Variants in GPR155 observed in about 807,000 individuals in gnomAD.
The protein encoded by GPR155 is G protein-coupled receptor 155.
Under a neutral mutation model 93.1 loss-of-function variants are expected in GPR155, and 65 were observed. The observed-to-expected ratio is 0.70, with a 90% CI of 0.57 to 0.86. The LOEUF is 0.86. Among genes scored for constraint, GPR155 ranks in the 40% least tolerant of loss-of-function variants. GPR155 has a pLI of 0.00. For synonymous variants in GPR155, 319 were observed against 360.1 expected, an observed-to-expected ratio of 0.89 and a Z score of 1.29; for missense variants, 838 against 1,034.8, an observed-to-expected ratio of 0.81 and a Z score of 2.61.
chr2:174,448,799 A>G (rs547558885), intron 11 of GPR155, among the ~76,000 whole-genome samples: 14 of 151,766 alleles, frequency 9.2e-5, no homozygotes, highest in African/African-American at 3.1e-4. Context: ...GGCCTCCCAA[A>G]GTGCTGGGAT....
Position 174,473,311 on chromosome 2 carries a change from C to T in GPR155, c.514G>A (p.Val172Met), listed in dbSNP as rs781670056. 2 of 1,602,584 alleles carry T rather than the reference C, an allele frequency of 1.2e-6. No individual in the cohort carries two copies. Among genetic ancestry groups the T allele is most frequent in the Non-Finnish European group, 1.7e-6 (2 of 1,172,904 alleles). The change falls in exon 3 of 16, where the codon GTG becomes ATG. Residue 172 changes from valine to methionine, a missense_variant. Coordinates refer to ENST00000392552, the MANE Select transcript of GPR155 (RefSeq NM_152529.7). ...YPEYLQYIYL[V>M]APISLMMLNP... is the part of the protein sequence containing the mutation. ...AACATCATAAGAGATATTGGTGCCA[C>T]CAAATAAATGTACTGGAGATATTCT...
At position 174,435,494 on chromosome 2, in the gene GPR155, TAG is replaced by T. The variant is rs1323835384; in HGVS notation, c.*620_*621del. Reference sequence around the variant, plus strand: ...ATTTTATTTTATTTTATTTTTGAGATAGAGTCTTGCTCTGTTGCTCAGGCTGG... The same window carrying T: ...ATTTTATTTTATTTTATTTTTGAGATAGTCTTGCTCTGTTGCTCAGGCTGG... On this transcript the variant is annotated 3_prime_UTR_variant, in exon 16 of 16. Transcript: ENST00000392552. 1.4e-5 allele frequency: 1 copy of T among 73,578 alleles called. No homozygotes were observed. 4.6% of individuals were successfully genotyped at this position (73,578 alleles called of 1,614,324 possible). A position where few individuals can be genotyped will look rare whatever the true frequency, so the allele number is the denominator to read the frequency against.
At chr2:174,482,060 C>T (rs1688341752) in intron 1 of GPR155, 73 bp from the exon 2 acceptor site, 1 of 754,276 alleles carries the variant, frequency 1.3e-6, no homozygotes, top group Non-Finnish European at 2.2e-6. Flanking sequence ...ACTGGCAAAC[C>T]TAGATTTGTT....
chr2:174,456,723 G>A (rs1687530475), intron 10 of GPR155, among the ~76,000 whole-genome samples: 1 of 151,788 alleles, frequency 6.6e-6, no homozygotes, highest in South Asian at 2.1e-4. Context: ...CCATCAATAA[G>A]GAAATTAATA....
chr2:174,436,518 A>C, intron 15 of GPR155, 102 bp from the exon 16 acceptor site: 1 of 1,103,418 alleles, frequency 9.1e-7, no homozygotes, highest in East Asian at 2.4e-5. Context: ...AAGGAAAGAC[A>C]GCATGGTAGT....
Position 174,436,108 on chromosome 2 carries a change from T to G in GPR155, c.*8A>C. 1 of 1,606,374 alleles carries G rather than the reference T, an allele frequency of 6.2e-7. No homozygotes were observed. The highest frequency in any genetic ancestry group is 2.2e-5 in the East Asian group (1 of 44,800). On this transcript the variant is annotated 3_prime_UTR_variant, in exon 16 of 16. Coordinates refer to ENST00000392552, the MANE Select transcript of GPR155 (RefSeq NM_152529.7). The stretch of plus-strand genomic sequence containing the variant: ...TATGATTCCATGTAGGGTTCTCCCC[T>G]GCATAATTTAGGTCTTAGGGGAATG...
At chr2:174,458,859 G>T (rs1240403729) in intron 10 of GPR155, among the ~76,000 whole-genome samples, 1 of 152,022 alleles carries the variant, frequency 6.6e-6, no homozygotes, top group South Asian at 2.1e-4. Context: ...AGGCCGAGGC[G>T]GGTGGATCAC....
At chr2:174,438,269 T>C (rs1172482383) in intron 15 of GPR155, among the ~76,000 whole-genome samples, 1 of 151,940 alleles carries the variant, frequency 6.6e-6, no homozygotes, top group Non-Finnish European at 1.5e-5. Context: ...CCCATGGAGC[T>C]GTACAAAGTG....
At position 174,436,160 on chromosome 2, in the gene GPR155, C is replaced by CTTTATA. The variant is rs1686772084; in HGVS notation, c.2563_2568dup (p.Tyr855_Lys856dup). On this transcript the variant is annotated inframe_insertion, in exon 16 of 16. Transcript: ENST00000392552. ...GAGGGTGGGGATGAATGCTCAATTT[C>CTTTATA]TTTATATCTTTCCTGTTGGAGAGTG... 1.2e-6 allele frequency: 2 copies of CTTTATA among 1,613,872 alleles called. No individual in the cohort carries two copies. Among genetic ancestry groups the CTTTATA allele is most frequent in the Admixed American group, 3.3e-5 (2 of 59,994 alleles).
At position 174,462,677 on chromosome 2, in the gene GPR155, G is replaced by C. The variant is rs139037613; in HGVS notation, c.1385-1005C>G. ...AAACATCCCCCTCTTCTGGTGCTAA[G>C]AAGTATGGGCAACTCTTACCCAGGT... On this transcript the variant is annotated intron_variant, in intron 7 of 15. Coordinates refer to ENST00000392552, the MANE Select transcript of GPR155 (RefSeq NM_152529.7). Among the ~76,000 whole-genome samples the C allele has an allele frequency of 1.5e-3, 221 of 152,298 alleles. 3 individuals are homozygous for C. The highest frequency in any genetic ancestry group is 5.2e-3 in the East Asian group (27 of 5,180).
chr2:174,483,258 A>G (rs993707383), intron 1 of GPR155: 4 of 152,138 alleles, frequency 2.6e-5, no homozygotes, highest in Non-Finnish European at 5.9e-5. Flanking sequence ...GTTCTCTTTC[A>G]GGCACTATTT....
Position 174,468,987 on chromosome 2 carries a change from A to G in GPR155, c.1107T>C (p.Thr369=). ...YVSAWLLTFP[T]MDPKPLAYAI... ...CATATGCCAATGGCTTAGGGTCCAT[A>G]GTGGGAAAGGTCAGTAACCAGGCAG... The change falls in exon 5 of 16, where the codon ACT becomes ACC. Residue 369 remains threonine, a synonymous_variant. Transcript: ENST00000392552. 2 of 1,614,000 alleles carry G rather than the reference A, an allele frequency of 1.2e-6. No individual in the cohort carries two copies. Among genetic ancestry groups the G allele is most frequent in the Non-Finnish European group, 1.7e-6 (2 of 1,179,846 alleles).
intron 3 of GPR155, among the ~76,000 whole-genome samples, chr2:174,471,190 A>C (rs1687986411): frequency 6.6e-6 from 1 of 152,008 alleles, no homozygotes; most frequent in Non-Finnish European, 1.5e-5. Flanking sequence ...CAGGAGTTGA[A>C]GACCAGCCTG....
At chr2:174,455,496 G>A (rs1032167282) in intron 10 of GPR155, among the ~76,000 whole-genome samples, 14 of 152,334 alleles carry the variant, frequency 9.2e-5, no homozygotes, top group East Asian at 3.9e-4. Flanking sequence ...CCAGAACTCC[G>A]TGAGGAAGGT....
chr2:174,483,286 T>G (rs1688383097), intron 1 of GPR155: 1 of 152,228 alleles, frequency 6.6e-6, no homozygotes, highest in South Asian at 2.1e-4. Flanking sequence ...AGACAGAATT[T>G]TTTTTTGTTT....
At chr2:174,451,331 T>G (rs1687313398) in intron 11 of GPR155, among the ~76,000 whole-genome samples, 1 of 152,022 alleles carries the variant, frequency 6.6e-6, no homozygotes, top group Admixed American at 6.6e-5. Context: ...AAAAAATTTT[T>G]TATACAGATA....
At chr2:174,469,752 TA>T (rs912991843) in intron 4 of GPR155, among the ~76,000 whole-genome samples, 12 of 152,106 alleles carry the variant, frequency 7.9e-5, no homozygotes, top group Non-Finnish European at 1.5e-4. Flanking sequence ...TAGTTAAAAC[TA>T]AAAAAACTGA....
At position 174,461,733 on chromosome 2, in the gene GPR155, T is replaced by A. The variant is rs1019664307; in HGVS notation, c.1385-61A>T. On this transcript the variant is annotated intron_variant, in intron 7 of 15. Coordinates refer to ENST00000392552, the MANE Select transcript of GPR155 (RefSeq NM_152529.7). ...CAACATTGATCAGACTTTATGAAAC[T>A]TTATTTCCTTTTTATTTTTTTAAAC... 3.8e-5 allele frequency: 36 copies of A among 958,002 alleles called. No homozygotes were observed. The African/African-American group carries it at 5.6e-4, about 15-fold the overall frequency. 59.3% of individuals were successfully genotyped at this position (958,002 alleles called of 1,614,324 possible).
rs751073006 is a variant in GPR155 at position 174,468,950 on chromosome 2, C to A, written c.1144G>T (p.Val382Phe). The change falls in exon 5 of 16, where the codon GTT becomes TTT. Residue 382 changes from valine (V) to phenylalanine (F), a missense_variant. Val to Phe is a conservative substitution (Grantham distance 50). Transcript: ENST00000392552. ...PKPLAYAIQNVSFDISIVSLI... is the reference protein window; with the variant it reads ...PKPLAYAIQNFSFDISIVSLI... ...CTGACAATACTTATATCAAAACTAA[C>A]ATTCTGGATGGCATATGCCAATGGC... 2.0e-5 allele frequency: 33 copies of A among 1,613,862 alleles called. No homozygotes were observed. The highest frequency in any genetic ancestry group is 2.8e-5 in the Non-Finnish European group (33 of 1,179,904).
Sources: gnomAD v4.1 joint callset for allele counts (sites outside exome capture counted in the v4.1 genomes callset) on GRCh38, gnomAD v4.1.1 for gene constraint, MANE v1.5 for transcripts, NCBI Gene and HGNC (gene_info 2026-07-23, HGNC 2026-07-21) for gene names.